The following PTPRQ variants were observed in gnomAD, a reference collection of about 807,000 sequenced individuals.
PTPRQ encodes phosphatidylinositol phosphatase PTPRQ.
A neutral mutation model predicts 246.0 loss-of-function variants in PTPRQ; 199 were observed. That is an observed-to-expected ratio of 0.81 (90% CI 0.72 to 0.91). The LOEUF (loss-of-function observed/expected upper bound fraction) is 0.91. Ranked by LOEUF, PTPRQ falls within the 40% of genes least tolerant of loss-of-function variation. The pLI, the probability that PTPRQ is intolerant of heterozygous loss-of-function variation, is 0.00. For synonymous variants in PTPRQ, 869 were observed against 853.2 expected, an observed-to-expected ratio of 1.02 and a Z score of -0.32; for missense variants, 2,624 against 2,528.4, an observed-to-expected ratio of 1.04 and a Z score of -0.81.
intron 38 of PTPRQ, among the ~76,000 whole-genome samples, chr12:80,653,115 AC>A (rs1900309301): frequency 6.6e-6 from 1 of 152,102 alleles, no homozygotes; most frequent in African/African-American, 2.4e-5. Flanking sequence ...CAAGTAATGA[AC>A]CTGTTTAACA....
chr12:80,479,417 A>G (rs1314782536), intron 8 of PTPRQ, among the ~76,000 whole-genome samples: 4 of 152,112 alleles, frequency 2.6e-5, no homozygotes, highest in African/African-American at 9.7e-5. Flanking sequence ...AGCCACTGCA[A>G]AATCATGCCA....
intron 25 of PTPRQ, among the ~76,000 whole-genome samples, chr12:80,575,207 T>A (rs1897250833): frequency 6.6e-6 from 1 of 152,204 alleles, no homozygotes; most frequent in Non-Finnish European, 1.5e-5. Context: ...AGCCTTAATG[T>A]CACTTGGTGA....
intron 25 of PTPRQ, among the ~76,000 whole-genome samples, chr12:80,569,383 C>G (rs1272016583): frequency 4.3e-4 from 40 of 92,248 alleles, no homozygotes; most frequent in Middle Eastern, 0.013. Context: ...GGGTTGGGGA[C>G]TGTTGTGGGG....
intron 38 of PTPRQ, among the ~76,000 whole-genome samples, chr12:80,657,728 T>C (rs1900490016): frequency 6.6e-6 from 1 of 151,834 alleles, no homozygotes. Context: ...AGATTGTATA[T>C]CACTCCATTT....
At chr12:80,484,304 G>A in intron 8 of PTPRQ, 129 bp from the exon 9 acceptor site, 3 of 1,188,598 alleles carry the variant, frequency 2.5e-6, no homozygotes, top group Non-Finnish European at 3.4e-6. Context: ...ACCGCACCTA[G>A]CCTAGTCTGT....
chr12:80,553,518 A>T (rs890420597), intron 25 of PTPRQ, among the ~76,000 whole-genome samples: 1 of 152,094 alleles, frequency 6.6e-6, no homozygotes, highest in African/African-American at 2.4e-5. Flanking sequence ...CTGACTCCGT[A>T]CTTATTTTTG....
At chr12:80,661,295 T>C (rs910435075) in intron 39 of PTPRQ, among the ~76,000 whole-genome samples, 1 of 148,626 alleles carries the variant, frequency 6.7e-6, no homozygotes, top group Non-Finnish European at 1.5e-5. Flanking sequence ...TTTATATGTC[T>C]ATATTTTATA....
At chr12:80,591,896 T>C (rs961885155) in intron 26 of PTPRQ, among the ~76,000 whole-genome samples, 1 of 152,164 alleles carries the variant, frequency 6.6e-6, no homozygotes, top group African/African-American at 2.4e-5. Flanking sequence ...GTGAACTTTT[T>C]AAATGCACAG....
chr12:80,611,641 A>G (rs1898555880), intron 28 of PTPRQ, among the ~76,000 whole-genome samples: 1 of 150,276 alleles, frequency 6.7e-6, no homozygotes, highest in Non-Finnish European at 1.5e-5. Context: ...TTAATGTGCT[A>G]TCTGTTTCAA....
intron 26 of PTPRQ, among the ~76,000 whole-genome samples, chr12:80,588,798 A>G (rs1237279629): frequency 6.6e-6 from 1 of 152,098 alleles, no homozygotes; most frequent in Non-Finnish European, 1.5e-5. Context: ...TTTCCTTCAT[A>G]TTTAGAGGTT....
At chr12:80,501,926 A>G (rs1290743898) in intron 14 of PTPRQ, among the ~76,000 whole-genome samples, 5 of 145,980 alleles carry the variant, frequency 3.4e-5, no homozygotes, top group African/African-American at 1.3e-4. Flanking sequence ...AAGTCAGATT[A>G]ACAGAGTATG....
chr12:80,613,490 G>T, intron 28 of PTPRQ, 102 bp from the exon 29 acceptor site: 2 of 1,215,234 alleles, frequency 1.6e-6, no homozygotes, highest in South Asian at 1.6e-5. Context: ...TTTAATTTGT[G>T]GAATACTCTT....
intron 37 of PTPRQ, among the ~76,000 whole-genome samples, chr12:80,650,796 C>G (rs1900230871): frequency 6.6e-6 from 1 of 151,300 alleles, no homozygotes; most frequent in Admixed American, 6.6e-5. Flanking sequence ...TATGCATGAC[C>G]AAGTAGATAA....
At chr12:80,616,060 C>T (rs1030313463) in intron 29 of PTPRQ, 140 bp from the exon 30 acceptor site, 1 of 426,262 alleles carries the variant, frequency 2.3e-6, no homozygotes, top group Admixed American at 5.4e-5. Context: ...TTTAAAATTA[C>T]ATGTAACCAT....
At chr12:80,665,010 T>A (rs1900741176) in intron 39 of PTPRQ, among the ~76,000 whole-genome samples, 2 of 151,802 alleles carry the variant, frequency 1.3e-5, no homozygotes, top group South Asian at 4.1e-4. Flanking sequence ...TATTAAGGAG[T>A]GTTGACTCAC....
intron 25 of PTPRQ, among the ~76,000 whole-genome samples, chr12:80,569,007 A>T (rs1225402636): frequency 6.6e-6 from 1 of 152,194 alleles, no homozygotes; most frequent in Non-Finnish European, 1.5e-5. Flanking sequence ...TGGAATGTGC[A>T]AAGGACTGAC....
chr12:80,516,168 A>T (rs1895293653), intron 17 of PTPRQ, among the ~76,000 whole-genome samples: 1 of 152,198 alleles, frequency 6.6e-6, no homozygotes, highest in African/African-American at 2.4e-5. Context: ...TTGAGGCATG[A>T]TGTTCCAGTA....
intron 17 of PTPRQ, among the ~76,000 whole-genome samples, chr12:80,518,193 G>T (rs554210136): frequency 6.6e-6 from 1 of 152,178 alleles, no homozygotes; most frequent in East Asian, 1.9e-4. Context: ...GGGTGAGATG[G>T]TATCTCACTG....
At chr12:80,487,155 GATTCCT>G (rs201258851) in intron 9 of PTPRQ, among the ~76,000 whole-genome samples, 6,298 of 152,084 alleles carry the variant, frequency 0.041, 198 homozygotes, top group Non-Finnish European at 0.061. Flanking sequence ...TGACGCTCTG[GATTCCT>G]AATTGCAGCC....
Sources: gnomAD v4.1 joint callset for allele counts (sites outside exome capture counted in the v4.1 genomes callset) on GRCh38, gnomAD v4.1.1 for gene constraint, MANE v1.5 for transcripts, NCBI Gene and HGNC (gene_info 2026-07-23, HGNC 2026-07-21) for gene names.